The following FGF13 variants were observed in gnomAD, a reference collection of about 807,000 sequenced individuals.
FGF13 encodes the protein fibroblast growth factor 13.
A neutral mutation model predicts 19.5 loss-of-function variants in FGF13; 2 were observed. The ratio of observed to expected loss-of-function variants is 0.10; its 90% CI spans 0.04 to 0.32. The LOEUF (loss-of-function observed/expected upper bound fraction) is 0.32. Among genes scored for constraint, FGF13 ranks in the 10% least tolerant of loss-of-function variants. The pLI is 1.00. For missense variants in FGF13, 113 were observed against 192.7 expected (o/e 0.59, Z 2.45); for synonymous variants, 72 against 76.9 (o/e 0.94, Z 0.33).
intron 1 of FGF13, among the ~76,000 whole-genome samples, chrX:139,144,328 G>C (rs2083869729): frequency 9.5e-6 from 1 of 105,193 alleles, no homozygotes; most frequent in South Asian, 3.8e-4. Flanking sequence ...AGAAACCCTG[G>C]AGACAAGAAG....
At chrX:139,089,315 T>C (rs1310998133) in intron 1 of FGF13, among the ~76,000 whole-genome samples, 1 of 112,345 alleles carries the variant, frequency 8.9e-6, no homozygotes, top group Non-Finnish European at 1.9e-5. Context: ...ACTCCTGGAC[T>C]GCATACATAC....
intron 3 of FGF13, among the ~76,000 whole-genome samples, chrX:138,694,622 T>G (rs2124217529): frequency 9.3e-6 from 1 of 107,377 alleles, no homozygotes; most frequent in African/African-American, 3.4e-5. Context: ...GGCTAATTTT[T>G]TTTTTATTTA....
At chrX:139,200,222 C>T (rs998665928) in intron 1 of FGF13, among the ~76,000 whole-genome samples, 12 of 112,116 alleles carry the variant, frequency 1.1e-4, no homozygotes, top group African/African-American at 3.9e-4. Context: ...AATTTCTTGT[C>T]GGTAAAATAC....
intron 1 of FGF13, among the ~76,000 whole-genome samples, chrX:138,719,681 A>T (rs1003972230): frequency 2.7e-5 from 3 of 112,356 alleles, no homozygotes; most frequent in African/African-American, 9.7e-5. Context: ...AGAGAGAAAA[A>T]TATTATACAC....
At chrX:138,755,215 A>G (rs993136860) in intron 3 of FGF13, among the ~76,000 whole-genome samples, 1 of 112,175 alleles carries the variant, frequency 8.9e-6, no homozygotes, top group Admixed American at 9.5e-5. Flanking sequence ...TCACCACCAT[A>G]TCCCTAGCAC....
chrX:138,705,079 GC>G (rs1384944089), intron 2 of FGF13, among the ~76,000 whole-genome samples: 10 of 111,580 alleles, frequency 9.0e-5, no homozygotes, highest in African/African-American at 2.9e-4. Flanking sequence ...AAAAACTAAA[GC>G]AAAACTTCCA....
At chrX:138,769,163 T>C (rs1003756798) in intron 3 of FGF13, among the ~76,000 whole-genome samples, 8 of 111,788 alleles carry the variant, frequency 7.2e-5, no homozygotes, top group African/African-American at 2.6e-4. Flanking sequence ...TATTTAATGG[T>C]AGTCATTGAG....
At chrX:139,069,227 T>C (rs1181810683) in intron 1 of FGF13, among the ~76,000 whole-genome samples, 1 of 80,698 alleles carries the variant, frequency 1.2e-5, no homozygotes, top group Non-Finnish European at 2.4e-5. Flanking sequence ...TGTCCAACAA[T>C]GATAGACTGG....
At chrX:139,149,488 G>C (rs2083915952) in intron 1 of FGF13, among the ~76,000 whole-genome samples, 2 of 112,223 alleles carry the variant, frequency 1.8e-5, no homozygotes, top group African/African-American at 6.5e-5. Context: ...AGTGTGTTTG[G>C]TGAAAGAAAA....
At chrX:138,894,986 C>T (rs1040327705) in intron 1 of FGF13, among the ~76,000 whole-genome samples, 1 of 111,873 alleles carries the variant, frequency 8.9e-6, no homozygotes, top group Non-Finnish European at 1.9e-5. Context: ...CTTCTTCCCT[C>T]GGATACAAGG....
At chrX:139,145,536 G>A (rs1603220032) in intron 1 of FGF13, among the ~76,000 whole-genome samples, 1 of 109,849 alleles carries the variant, frequency 9.1e-6, no homozygotes, top group East Asian at 2.9e-4. Context: ...TTCCCCCTCT[G>A]CCTCTACTCC....
intron 3 of FGF13, among the ~76,000 whole-genome samples, chrX:138,756,917 C>T (rs770380351): frequency 3.7e-4 from 41 of 111,825 alleles, no homozygotes; most frequent in Admixed American, 1.1e-3. Flanking sequence ...CCTTTACCTA[C>T]TTCCAAGCTG....
At chrX:138,743,743 C>A (rs961905033), upstream of FGF13, among the ~76,000 whole-genome samples, 1 of 111,155 alleles carries the variant, frequency 9.0e-6, no homozygotes, top group African/African-American at 3.3e-5. Flanking sequence ...TCCAGGAGTA[C>A]GTTCTCTCTG....
At chrX:138,966,160 G>A (rs1277630455) in intron 1 of FGF13, among the ~76,000 whole-genome samples, 1 of 111,765 alleles carries the variant, frequency 8.9e-6, no homozygotes, top group Non-Finnish European at 1.9e-5. Context: ...GGGAAATGTG[G>A]GGTCGGAGCC....
intron 3 of FGF13, among the ~76,000 whole-genome samples, chrX:138,771,035 C>G (rs185691722): frequency 2.0e-3 from 223 of 111,506 alleles, no homozygotes; most frequent in African/African-American, 6.6e-3. Flanking sequence ...TCCCAGGCCA[C>G]GGTGGGGGAT....
intron 4 of FGF13, among the ~76,000 whole-genome samples, chrX:138,634,879 A>G (rs5974770): frequency 0.023 from 2,581 of 112,177 alleles, 70 homozygotes; most frequent in African/African-American, 0.079. Flanking sequence ...GGATCCAGCA[A>G]TCTCACTCCT....
intron 3 of FGF13, among the ~76,000 whole-genome samples, chrX:138,659,351 C>T (rs1339124310): frequency 2.7e-5 from 3 of 111,699 alleles, no homozygotes; most frequent in African/African-American, 9.8e-5. Context: ...ATCAAAACCA[C>T]AATGAGATAC....
At chrX:139,004,145 G>A (rs1035093540) in intron 1 of FGF13, among the ~76,000 whole-genome samples, 5 of 112,876 alleles carry the variant, frequency 4.4e-5, no homozygotes, top group Non-Finnish European at 7.5e-5. Flanking sequence ...CAGGCATGGC[G>A]GGCTGCAGGT....
At chrX:139,021,816 T>C (rs2092179290) in intron 1 of FGF13, among the ~76,000 whole-genome samples, 1 of 112,026 alleles carries the variant, frequency 8.9e-6, no homozygotes. Flanking sequence ...AAATAATTTA[T>C]AGGCTGAAGA....
Sources: allele counts gnomAD v4.1 joint callset (sites outside exome capture counted in the v4.1 genomes callset), GRCh38; gene constraint gnomAD v4.1.1; transcripts MANE v1.5; gene names NCBI Gene and HGNC (gene_info 2026-07-23, HGNC 2026-07-21).